The following NTM variants were observed in gnomAD, a reference collection of about 807,000 sequenced individuals.
NTM encodes the protein IgLON family member 2.
A neutral mutation model predicts 42.1 loss-of-function variants in NTM; 13 were observed. That is an observed-to-expected ratio of 0.31 (90% CI 0.20 to 0.49). The LOEUF (loss-of-function observed/expected upper bound fraction) is 0.49, where lower values mean the gene tolerates loss of function less well. Among genes scored for constraint, NTM ranks in the 20% least tolerant of loss-of-function variants. The probability of loss-of-function intolerance (pLI) is 0.99; values close to 1 mark genes in which losing one functional copy is unlikely to be tolerated. For missense variants in NTM, 373 were observed against 452.8 expected, an observed-to-expected ratio of 0.82 and a Z score of 1.60; for synonymous variants, 187 against 179.2, an observed-to-expected ratio of 1.04 and a Z score of -0.35.
At chr11:131,779,807 G>A (rs922818255) in intron 1 of NTM, among the ~76,000 whole-genome samples, 7 of 152,172 alleles carry the variant, frequency 4.6e-5, no homozygotes, top group African/African-American at 1.7e-4. Context: ...ACACAGAGAT[G>A]TTTTTCTAGG....
chr11:132,292,645 C>G (rs1236083220), intron 4 of NTM, among the ~76,000 whole-genome samples: 1 of 151,406 alleles, frequency 6.6e-6, no homozygotes, highest in Non-Finnish European at 1.5e-5. Context: ...ACAGAGGAGA[C>G]AGACATTTAG....
At chr11:131,469,664 G>A (rs549119098) in intron 1 of NTM, among the ~76,000 whole-genome samples, 1 of 152,262 alleles carries the variant, frequency 6.6e-6, no homozygotes, top group South Asian at 2.1e-4. Flanking sequence ...GATTGCCTGG[G>A]GCTAAACCCA....
intron 1 of NTM, among the ~76,000 whole-genome samples, chr11:131,803,457 C>T (rs1301008569): frequency 1.3e-5 from 2 of 152,008 alleles, no homozygotes; most frequent in Admixed American, 6.6e-5. Context: ...TACAGGTGTG[C>T]ACCACCACAC....
At chr11:131,894,849 C>T (rs1418657558) in intron 1 of NTM, among the ~76,000 whole-genome samples, 1 of 152,206 alleles carries the variant, frequency 6.6e-6, no homozygotes, top group African/African-American at 2.4e-5. Context: ...ATCTTCCTTT[C>T]TCTGTCAGCC....
At chr11:131,907,616 T>G (rs1055823515) in intron 1 of NTM, among the ~76,000 whole-genome samples, 12 of 152,066 alleles carry the variant, frequency 7.9e-5, no homozygotes, top group Admixed American at 4.6e-4. Context: ...AGTATATGTG[T>G]ATGCACGAAG....
chr11:131,707,263 C>A (rs2076683845), intron 1 of NTM, among the ~76,000 whole-genome samples: 1 of 151,956 alleles, frequency 6.6e-6, no homozygotes, highest in Non-Finnish European at 1.5e-5. Flanking sequence ...TCTTTCTTTG[C>A]CTGGCTTATT....
At chr11:131,605,905 A>G in intron 1 of NTM, 1 of 981,038 alleles carries the variant, frequency 1.0e-6, no homozygotes, top group Non-Finnish European at 1.2e-6. Context: ...CATTGTTTCA[A>G]TTCTGTGCTT....
intron 1 of NTM, among the ~76,000 whole-genome samples, chr11:131,646,092 G>C (rs1209821400): frequency 2.6e-5 from 4 of 152,234 alleles, no homozygotes; most frequent in East Asian, 1.9e-4. Context: ...TCCTGGGCAG[G>C]CTTCAAGGGC....
intron 2 of NTM, among the ~76,000 whole-genome samples, chr11:132,022,182 C>G (rs2074446183): frequency 6.6e-6 from 1 of 152,206 alleles, no homozygotes; most frequent in Admixed American, 6.5e-5. Context: ...AGTCAGAATA[C>G]CACAGAGCCC....
chr11:131,529,888 A>G (rs1371461691), intron 1 of NTM, among the ~76,000 whole-genome samples: 1 of 152,032 alleles, frequency 6.6e-6, no homozygotes, highest in Non-Finnish European at 1.5e-5. Context: ...CAGCCTCCTC[A>G]GCCACCCTCC....
chr11:131,591,925 G>T (rs190537735), intron 1 of NTM, among the ~76,000 whole-genome samples: 1 of 152,146 alleles, frequency 6.6e-6, no homozygotes, highest in South Asian at 2.1e-4. Flanking sequence ...TATGCTCTGG[G>T]TAAGAACTAC....
At chr11:131,391,795 A>G (rs958735716) in intron 1 of NTM, among the ~76,000 whole-genome samples, 3 of 152,152 alleles carry the variant, frequency 2.0e-5, no homozygotes, top group African/African-American at 7.2e-5. Flanking sequence ...ACCTAGTGCC[A>G]GCCACCAAGA....
chr11:131,727,966 T>C (rs1331513860), intron 1 of NTM, among the ~76,000 whole-genome samples: 1 of 152,228 alleles, frequency 6.6e-6, no homozygotes, highest in Non-Finnish European at 1.5e-5. Context: ...CCAGCTTGTA[T>C]ACCATGTTGC....
At chr11:131,579,956 T>C (rs1435777539) in intron 1 of NTM, among the ~76,000 whole-genome samples, 1 of 152,226 alleles carries the variant, frequency 6.6e-6, no homozygotes, top group Non-Finnish European at 1.5e-5. Context: ...AGCAACATTT[T>C]TCTCTGCCAT....
chr11:131,409,348 A>G (rs1946134122), intron 1 of NTM, among the ~76,000 whole-genome samples: 1 of 152,216 alleles, frequency 6.6e-6, no homozygotes. Context: ...CATCTGGGCT[A>G]CAAAGAGGTG....
chr11:132,103,327 C>T (rs1312529503), intron 2 of NTM, among the ~76,000 whole-genome samples: 1 of 152,206 alleles, frequency 6.6e-6, no homozygotes, highest in Non-Finnish European at 1.5e-5. Context: ...TGATTCTTAG[C>T]TACAGCCAAT....
chr11:131,475,846 TG>T (rs1952876946), intron 1 of NTM, among the ~76,000 whole-genome samples: 2 of 151,472 alleles, frequency 1.3e-5, no homozygotes. Flanking sequence ...GAGGAAAAAA[TG>T]ATGTTACTGT....
chr11:131,608,064 A>C lies in NTM; in HGVS notation c.82+237176A>C, dbSNP rs919934029. Among the ~76,000 whole-genome samples the C allele has an allele frequency of 3.3e-5, 5 of 152,036 alleles. No homozygotes were observed. In the East Asian group the frequency reaches 9.7e-4, roughly 29 times the overall value. On this transcript the variant is annotated intron_variant, in intron 1 of 8. Transcript: ENST00000683400. ...GCTATCCCTCCCCCAACCCCACAAC[A>C]GTCCCCAGTGTGTGATGTTCCCCTT...
chr11:131,971,872 G>A (rs1221708638), intron 2 of NTM, among the ~76,000 whole-genome samples: 1 of 148,062 alleles, frequency 6.8e-6, no homozygotes, highest in Non-Finnish European at 1.5e-5. Flanking sequence ...GTGAAACCCC[G>A]TCTCTACTAA....
Sources: gnomAD v4.1 joint callset for allele counts (sites outside exome capture counted in the v4.1 genomes callset) on GRCh38, gnomAD v4.1.1 for gene constraint, MANE v1.5 for transcripts, NCBI Gene and HGNC (gene_info 2026-07-23, HGNC 2026-07-21) for gene names.